The following KCNT2 variants were observed in gnomAD, a reference collection of about 807,000 sequenced individuals.
KCNT2 encodes potassium sodium-activated channel subfamily T member 2.
Under a neutral mutation model 153.8 loss-of-function variants are expected in KCNT2, and 67 were observed. The observed-to-expected ratio is 0.44, with a 90% CI of 0.36 to 0.53. The LOEUF is 0.53. Ranked by LOEUF, KCNT2 falls within the 20% of genes least tolerant of loss-of-function variation. The pLI is 0.00. For synonymous variants in KCNT2, 500 were observed against 458.8 expected (o/e 1.09, Z -1.15); for missense variants, 975 against 1,354.8 (o/e 0.72, Z 4.40).
chr1:196,235,955 C>A lies in KCNT2; in HGVS notation c.3296+31G>T, dbSNP rs201788126. 2.7e-4 allele frequency: 354 copies of A among 1,289,964 alleles called. 1 individual carries two copies. The highest frequency in any genetic ancestry group is 1.6e-3 in the Admixed American group (85 of 53,294). 79.9% of individuals were successfully genotyped at this position (1,289,964 alleles called of 1,614,324 possible). A position where few individuals can be genotyped will look rare whatever the true frequency, so the allele number is the denominator to read the frequency against. ...ATAAATAGTAGTTTTCTAAAAATAT[C>A]TGTCTTATATGAGATATGAGATCAA... On this transcript the variant is annotated intron_variant, in intron 27 of 27. Transcript: ENST00000294725.
intron 5 of KCNT2, among the ~76,000 whole-genome samples, chr1:196,478,259 T>C (rs1678708162): frequency 6.6e-6 from 1 of 152,198 alleles, no homozygotes; most frequent in African/African-American, 2.4e-5. Flanking sequence ...TTTCCTTTCA[T>C]ACTGCAACAC....
At chr1:196,242,359 A>C (rs1188090227) in intron 26 of KCNT2, among the ~76,000 whole-genome samples, 1 of 152,102 alleles carries the variant, frequency 6.6e-6, no homozygotes, top group Non-Finnish European at 1.5e-5. Flanking sequence ...AAAGCCTAAA[A>C]GATTTTGGAA....
chr1:196,515,129 G>T (rs1208277288), intron 1 of KCNT2, among the ~76,000 whole-genome samples: 1 of 152,164 alleles, frequency 6.6e-6, no homozygotes, highest in Non-Finnish European at 1.5e-5. Context: ...TGATGGAAAA[G>T]GACTATGAGG....
intron 12 of KCNT2, among the ~76,000 whole-genome samples, chr1:196,413,284 C>T (rs1048044633): frequency 2.6e-5 from 4 of 151,646 alleles, no homozygotes; most frequent in Admixed American, 6.6e-5. Flanking sequence ...TCTCGGAAAT[C>T]TGTTGAACAT....
intron 1 of KCNT2, among the ~76,000 whole-genome samples, chr1:196,541,034 C>G (rs558008757): frequency 2.0e-5 from 3 of 151,638 alleles, no homozygotes; most frequent in Non-Finnish European, 2.9e-5. Context: ...CCACTGCACT[C>G]CAGCCTGGGT....
At chr1:196,568,666 G>A (rs955356710) in intron 1 of KCNT2, among the ~76,000 whole-genome samples, 2 of 151,708 alleles carry the variant, frequency 1.3e-5, no homozygotes, top group African/African-American at 4.8e-5. Context: ...AGGTGGTAAT[G>A]CTCTTTTTCT....
intron 20 of KCNT2, among the ~76,000 whole-genome samples, chr1:196,317,990 GC>G (rs2148029651): frequency 6.6e-6 from 1 of 151,072 alleles, no homozygotes; most frequent in African/African-American, 2.4e-5. Context: ...ATTTACTACT[GC>G]ATTTATTTTT....
intron 12 of KCNT2, among the ~76,000 whole-genome samples, chr1:196,400,658 G>A (rs1421677204): frequency 6.6e-6 from 1 of 151,760 alleles, no homozygotes; most frequent in Non-Finnish European, 1.5e-5. Flanking sequence ...AAAATTTAAA[G>A]TGAGACTTAT....
chr1:196,291,670 G>A (rs1660196864), intron 22 of KCNT2, among the ~76,000 whole-genome samples: 1 of 152,086 alleles, frequency 6.6e-6, no homozygotes, highest in Non-Finnish European at 1.5e-5. Flanking sequence ...GCAGTAATTA[G>A]TCCAAATCTG....
chr1:196,228,268 A>C lies in KCNT2; in HGVS notation c.3364T>G (p.Cys1122Gly), dbSNP rs1280032748. Residue 1122 changes from cysteine (C) to glycine (G), a missense_variant, in exon 28 of 28, where the codon TGC becomes GGC. By Grantham distance (159) the Cys-to-Gly change is radical. Coordinates refer to ENST00000294725, the MANE Select transcript of KCNT2 (RefSeq NM_198503.5). ...NSEPSRRNSI[C>G]NVTGQDSREE... Reference sequence around the variant, plus strand: ...CGAGAATCTTGACCAGTGACATTGCAGATGCTGTTTCTTCGACTGGGCTCA... The same window carrying C: ...CGAGAATCTTGACCAGTGACATTGCCGATGCTGTTTCTTCGACTGGGCTCA... The C allele has an allele frequency of 6.2e-7, 1 of 1,611,878 alleles. No individual in the cohort carries two copies. Among genetic ancestry groups the C allele is most frequent in the Admixed American group, 1.7e-5 (1 of 59,830 alleles).
At chr1:196,432,027 C>A (rs1175147109) in intron 8 of KCNT2, among the ~76,000 whole-genome samples, 2 of 152,006 alleles carry the variant, frequency 1.3e-5, no homozygotes, top group African/African-American at 4.8e-5. Flanking sequence ...ATAGTTTCAA[C>A]GGAGGAAACC....
In KCNT2 at chr1:196,492,152, T is replaced by A. The variant is rs1679904494; in HGVS notation, c.175+110A>T. The A allele has an allele frequency of 3.6e-6, 4 of 1,110,220 alleles. No homozygotes were observed. In the South Asian group the frequency reaches 7.6e-5, roughly 21 times the overall value. The allele number at this position is 1,110,220 out of a possible 1,614,324, so 68.8% of individuals were successfully genotyped here. On this transcript the variant is annotated intron_variant, in intron 2 of 27. Coordinates refer to ENST00000294725, the MANE Select transcript of KCNT2 (RefSeq NM_198503.5). ...TTCCTCTACCACCTGCTGGAAAAAA[T>A]AACCAATTTTATTCCTCTATCTAAA...
At chr1:196,552,881 A>G (rs2148901369) in intron 1 of KCNT2, among the ~76,000 whole-genome samples, 1 of 151,426 alleles carries the variant, frequency 6.6e-6, no homozygotes, top group Non-Finnish European at 1.5e-5. Flanking sequence ...TAGCATTTGC[A>G]ACCCTCTTGG....
chr1:196,599,845 C>T (rs144353626), intron 1 of KCNT2, among the ~76,000 whole-genome samples: 12 of 152,232 alleles, frequency 7.9e-5, no homozygotes, highest in African/African-American at 2.9e-4. Flanking sequence ...TATCTTCTGC[C>T]TCACATCCAA....
intron 8 of KCNT2, among the ~76,000 whole-genome samples, chr1:196,459,629 T>C (rs763653615): frequency 6.6e-6 from 1 of 151,828 alleles, no homozygotes; most frequent in Admixed American, 6.6e-5. Flanking sequence ...CCAAAAACTG[T>C]AAGTCATAGT....
At chr1:196,455,157 G>A (rs1572513475) in intron 8 of KCNT2, among the ~76,000 whole-genome samples, 1 of 151,980 alleles carries the variant, frequency 6.6e-6, no homozygotes, top group East Asian at 2.0e-4. Context: ...TTTGACGCCA[G>A]CCCCACAGTT....
chr1:196,394,793 CT>C (rs1225621279), intron 13 of KCNT2, among the ~76,000 whole-genome samples: 3 of 151,444 alleles, frequency 2.0e-5, no homozygotes, highest in Non-Finnish European at 3.0e-5. Context: ...ATATCTTTTA[CT>C]TTTTTCCAGC....
chr1:196,381,864 T>C (rs930992189), intron 13 of KCNT2, among the ~76,000 whole-genome samples: 2 of 152,158 alleles, frequency 1.3e-5, no homozygotes, highest in Non-Finnish European at 2.9e-5. Context: ...TCATTCCTTT[T>C]CAACCACAAA....
At chr1:196,438,356 A>G (rs1674916273) in intron 8 of KCNT2, among the ~76,000 whole-genome samples, 1 of 151,822 alleles carries the variant, frequency 6.6e-6, no homozygotes, top group Admixed American at 6.6e-5. Flanking sequence ...TTTCCTAAGG[A>G]TTCACTAACA....
Sources: allele counts gnomAD v4.1 joint callset (sites outside exome capture counted in the v4.1 genomes callset), GRCh38; gene constraint gnomAD v4.1.1; transcripts MANE v1.5; gene names NCBI Gene and HGNC (gene_info 2026-07-23, HGNC 2026-07-21).